BTAF1: variants seen among roughly 807,000 people sequenced by gnomAD.
BTAF1 encodes the protein B-TFIID TATA-box binding protein associated factor 1, also known as TATA-binding protein-associated factor 172.
In BTAF1, 38 loss-of-function variants were observed where a neutral mutation model predicts 227.1. The observed-to-expected ratio is 0.17, with a 90% confidence interval of 0.13 to 0.22. The LOEUF (loss-of-function observed/expected upper bound fraction) is 0.22. Ranked by LOEUF, BTAF1 falls within the 10% of genes least tolerant of loss-of-function variation. BTAF1 has a pLI of 1.00. For missense variants in BTAF1, 1,598 were observed against 2,204.0 expected (o/e 0.73, Z 5.51); for synonymous variants, 742 against 751.9 (o/e 0.99, Z 0.21).
intron 25 of BTAF1, among the ~76,000 whole-genome samples, chr10:92,007,151 A>G (rs1392375073): frequency 6.6e-6 from 1 of 151,420 alleles, no homozygotes; most frequent in Non-Finnish European, 1.5e-5. Context: ...GACATGCATT[A>G]AAGGGTTGAG....
chr10:92,000,373 T>G (rs1159316422), intron 25 of BTAF1, among the ~76,000 whole-genome samples: 3 of 152,214 alleles, frequency 2.0e-5, no homozygotes, highest in African/African-American at 4.8e-5. Context: ...CAGTTTTTGT[T>G]TGTTTTTAAG....
At chr10:91,992,025 C>T (rs188808458) in intron 20 of BTAF1, 94 bp from the exon 21 acceptor site, 5 of 1,062,718 alleles carry the variant, frequency 4.7e-6, no homozygotes, top group Non-Finnish European at 5.2e-6. Flanking sequence ...GCCTAAAAGA[C>T]ATAGTTTAAA....
chr10:91,933,305 C>G (rs577167297), intron 1 of BTAF1, among the ~76,000 whole-genome samples: 9 of 152,304 alleles, frequency 5.9e-5, no homozygotes, highest in African/African-American at 2.2e-4. Context: ...GGAAGTTAAT[C>G]TGGCAACAGG....
chr10:91,952,225 A>G (rs1845815767), intron 5 of BTAF1, among the ~76,000 whole-genome samples: 1 of 151,972 alleles, frequency 6.6e-6, no homozygotes, highest in African/African-American at 2.4e-5. Flanking sequence ...TTCTCACTTC[A>G]TACAGCTTAA....
At chr10:91,997,188 G>C (rs1849200884) in intron 24 of BTAF1, 1 of 1,266,794 alleles carries the variant, frequency 7.9e-7, no homozygotes, top group Admixed American at 2.3e-5. Flanking sequence ...ACTATATCCT[G>C]CTGGTGATTG....
intron 25 of BTAF1, among the ~76,000 whole-genome samples, chr10:92,004,828 C>A (rs749581417): frequency 1.1e-4 from 17 of 152,096 alleles, no homozygotes; most frequent in Non-Finnish European, 2.2e-4. Flanking sequence ...TTTGTCCAGA[C>A]CAGTGTCAAA....
intron 13 of BTAF1, among the ~76,000 whole-genome samples, chr10:91,965,418 AATAC>A (rs1439298218): frequency 6.6e-6 from 1 of 152,206 alleles, no homozygotes; most frequent in African/African-American, 2.4e-5. Flanking sequence ...GTACATGGGT[AATAC>A]ATAAGAGAAT....
intron 21 of BTAF1, 74 bp from the exon 22 acceptor site, chr10:91,993,620 A>G: frequency 8.5e-7 from 1 of 1,179,566 alleles, no homozygotes; most frequent in Admixed American, 3.5e-5. Flanking sequence ...TGACTTTTAA[A>G]TTCTTTTGTT....
chr10:91,937,844 G>A (rs914038401), intron 2 of BTAF1, among the ~76,000 whole-genome samples: 2 of 152,036 alleles, frequency 1.3e-5, no homozygotes, highest in African/African-American at 4.8e-5. Flanking sequence ...ACTTTATGAG[G>A]AACTGCCAAA....
chr10:91,993,888 T>C (rs772306156), intron 22 of BTAF1, 41 bp downstream of exon 22: 2 of 1,449,768 alleles, frequency 1.4e-6, no homozygotes. Flanking sequence ...TAACAAATTT[T>C]AATGTCTATT....
chr10:92,007,046 T>A (rs945560558), intron 25 of BTAF1, among the ~76,000 whole-genome samples: 1 of 149,424 alleles, frequency 6.7e-6, no homozygotes, highest in Non-Finnish European at 1.5e-5. Flanking sequence ...ATATTTGGGT[T>A]TTTTTTTTTA....
chr10:91,950,250 A>G (rs1845678845), intron 4 of BTAF1, among the ~76,000 whole-genome samples: 1 of 151,766 alleles, frequency 6.6e-6, no homozygotes, highest in Admixed American at 6.6e-5. Flanking sequence ...CAAAAAGGGG[A>G]AACTTTTGTT....
intron 3 of BTAF1, 115 bp from the exon 4 acceptor site, chr10:91,942,307 T>TGTGTGTGG: frequency 2.1e-6 from 1 of 480,334 alleles, no homozygotes; most frequent in Non-Finnish European, 3.5e-6. Flanking sequence ...TTTGTGTGTG[T>TGTGTGTGG]GTGTGTGTGT....
intron 22 of BTAF1, among the ~76,000 whole-genome samples, 166 bp from the exon 23 acceptor site, chr10:91,994,369 C>G (rs1848999706): frequency 6.6e-6 from 1 of 152,048 alleles, no homozygotes; most frequent in Non-Finnish European, 1.5e-5. Context: ...TTTGGTTGCT[C>G]TACATGTAGT....
At chr10:91,932,226 A>G (rs144693657) in intron 1 of BTAF1, among the ~76,000 whole-genome samples, 82 of 152,298 alleles carry the variant, frequency 5.4e-4, no homozygotes, top group Admixed American at 1.2e-3. Context: ...TATTGAAGGA[A>G]TACAGTGCCT....
intron 14 of BTAF1, among the ~76,000 whole-genome samples, chr10:91,977,005 T>C (rs1229509809): frequency 6.6e-6 from 1 of 152,160 alleles, no homozygotes; most frequent in East Asian, 1.9e-4. Context: ...AAGTGAAGTT[T>C]AAGCTGAAAC....
At chr10:91,960,468 A>C (rs983952823) in intron 11 of BTAF1, among the ~76,000 whole-genome samples, 9 of 152,202 alleles carry the variant, frequency 5.9e-5, no homozygotes, top group Non-Finnish European at 1.3e-4. Context: ...AATATTGAAT[A>C]CATGCTCTGA....
Position 91,996,371 on chromosome 10 carries a change from G to A in BTAF1, c.3312G>A (p.Leu1104=), listed in dbSNP as rs1187256779. 1 of 1,612,760 alleles carries A rather than the reference G, an allele frequency of 6.2e-7. No homozygotes were observed. Among genetic ancestry groups the A allele is most frequent in the Middle Eastern group, 1.7e-4 (1 of 6,042 alleles). ...ASMDSELHPL[L]VQHLPHLYMC... Reference sequence around the variant, plus strand: ...TGCCATTAACTTTTTGTTTTTAGTTGGTCCAGCATTTGCCACATCTTTATA... The same window carrying A: ...TGCCATTAACTTTTTGTTTTTAGTTAGTCCAGCATTTGCCACATCTTTATA... The change falls in exon 24 of 38, where the codon TTG becomes TTA. Residue 1104 remains leucine (L), a splice_region_variant and synonymous_variant. Coordinates refer to ENST00000265990, the MANE Select transcript of BTAF1 (RefSeq NM_003972.3).
intron 20 of BTAF1, among the ~76,000 whole-genome samples, chr10:91,989,929 T>C (rs1233915841): frequency 6.6e-6 from 1 of 152,250 alleles, no homozygotes; most frequent in Non-Finnish European, 1.5e-5. Context: ...TGTTATTTAA[T>C]GAATTTTTTT....
Sources: allele counts gnomAD v4.1 joint callset (sites outside exome capture counted in the v4.1 genomes callset), GRCh38; gene constraint gnomAD v4.1.1; transcripts MANE v1.5; gene names NCBI Gene and HGNC (gene_info 2026-07-23, HGNC 2026-07-21).